VGLL4: variants seen among roughly 807,000 people sequenced by gnomAD.
VGLL4 encodes the protein vestigial like family member 4.
A neutral mutation model predicts 21.0 loss-of-function variants in VGLL4; 7 were observed. The observed-to-expected ratio is 0.33, with a 90% CI of 0.19 to 0.63. The LOEUF is 0.63. Among genes scored for constraint, VGLL4 ranks in the 20% least tolerant of loss-of-function variants. The pLI is 0.78. For missense variants in VGLL4, 394 were observed against 425.7 expected, an observed-to-expected ratio of 0.93 and a Z score of 0.66; for synonymous variants, 222 against 173.2, an observed-to-expected ratio of 1.28 and a Z score of -2.21.
chr3:11,660,756 C>T (rs1288230991), intron 2 of VGLL4, among the ~76,000 whole-genome samples: 1 of 152,066 alleles, frequency 6.6e-6, no homozygotes, highest in Non-Finnish European at 1.5e-5. Flanking sequence ...ATAAACTCAA[C>T]ATATATACTT....
chr3:11,631,165 A>G (rs2075468011), intron 1 of VGLL4, among the ~76,000 whole-genome samples: 1 of 152,232 alleles, frequency 6.6e-6, no homozygotes, highest in Non-Finnish European at 1.5e-5. Context: ...AACCTAATAT[A>G]TAACTGCAGA....
rs574148653 is a variant in VGLL4, at chr3:11,701,370, T to C, written c.64+1601A>G. Among the ~76,000 whole-genome samples, 17 of 152,328 alleles carry C rather than the reference T, an allele frequency of 1.1e-4. No homozygotes were observed. The East Asian group carries it at 2.5e-3, about 22-fold the overall frequency. ...TCTCCAGAAGCCAAGCAGACACTCA[T>C]GCCATGCTTGTACAGCCTACAGCAC... On this transcript the variant is annotated intron_variant, in intron 2 of 5. Coordinates refer to the VGLL4 transcript ENST00000273038.
At chr3:11,611,014 T>C (rs2075050722) in intron 1 of VGLL4, among the ~76,000 whole-genome samples, 1 of 152,034 alleles carries the variant, frequency 6.6e-6, no homozygotes, top group Non-Finnish European at 1.5e-5. Flanking sequence ...GCACTGGAAG[T>C]AGAAACCTGG....
At chr3:11,605,904 A>T (rs1340936027) in intron 1 of VGLL4, among the ~76,000 whole-genome samples, 2 of 152,280 alleles carry the variant, frequency 1.3e-5, no homozygotes, top group East Asian at 3.8e-4. Flanking sequence ...AACAAAAAAT[A>T]GAAAAGGATC....
chr3:11,710,828 C>T (rs1220747434), intron 1 of VGLL4, among the ~76,000 whole-genome samples: 1 of 151,508 alleles, frequency 6.6e-6, no homozygotes, highest in Non-Finnish European at 1.5e-5. Context: ...GGCTGGGCAC[C>T]GTGGCTCATG....
intron 2 of VGLL4, among the ~76,000 whole-genome samples, chr3:11,677,494 C>G (rs1193614890): frequency 6.6e-6 from 1 of 152,088 alleles, no homozygotes; most frequent in Non-Finnish European, 1.5e-5. Context: ...ATGGTGGTCT[C>G]AAACTCCTGG....
At chr3:11,607,938 C>T (rs1265567877) in intron 1 of VGLL4, among the ~76,000 whole-genome samples, 2 of 152,172 alleles carry the variant, frequency 1.3e-5, no homozygotes, top group African/African-American at 4.8e-5. Context: ...GTGCCTGTGA[C>T]ACACTGAAGG....
chr3:11,621,458 T>G (rs925701325), intron 1 of VGLL4, among the ~76,000 whole-genome samples: 1 of 148,950 alleles, frequency 6.7e-6, no homozygotes, highest in Non-Finnish European at 1.5e-5. Context: ...GTTCTTTCAC[T>G]CATAATGTTT....
intron 1 of VGLL4, among the ~76,000 whole-genome samples, chr3:11,630,452 C>T (rs998754934): frequency 6.6e-6 from 1 of 152,112 alleles, no homozygotes; most frequent in African/African-American, 2.4e-5. Flanking sequence ...CGAAACCAGC[C>T]TGTCCAACAT....
At chr3:11,582,456 T>G (rs1327824930) in intron 2 of VGLL4, 6 of 1,304,958 alleles carry the variant, frequency 4.6e-6, no homozygotes, top group Non-Finnish European at 6.3e-6. Context: ...GGGGCCTGCT[T>G]GCCCCCTGCA....
In VGLL4 at chr3:11,661,738, C is replaced by T. The variant is rs543486252; in HGVS notation, c.64+41233G>A. On this transcript the variant is annotated intron_variant, in intron 2 of 5. Transcript: ENST00000273038. ...CTGCCCGCCTCGGCTTCCCAAAGTG[C>T]TGAGATTACAGGTGTGAGCCACTGC... Among the ~76,000 whole-genome samples the T allele has an allele frequency of 9.9e-5, 15 of 152,256 alleles. No individual in the cohort carries two copies. In the East Asian group the frequency reaches 1.9e-3, roughly 20 times the overall value.
At chr3:11,704,347 C>G (rs2076727003) in intron 1 of VGLL4, among the ~76,000 whole-genome samples, 1 of 132,810 alleles carries the variant, frequency 7.5e-6, no homozygotes, top group Non-Finnish European at 1.5e-5. Flanking sequence ...CGAGCCATTG[C>G]ACTCCAGCCT....
At chr3:11,675,613 G>A (rs1430847113) in intron 2 of VGLL4, among the ~76,000 whole-genome samples, 1 of 152,124 alleles carries the variant, frequency 6.6e-6, no homozygotes, top group Non-Finnish European at 1.5e-5. Flanking sequence ...GACCTTTACA[G>A]AAGCTCACCT....
chr3:11,568,792 CCG>C lies in VGLL4; in HGVS notation c.273-3775_273-3774del. The C allele has an allele frequency of 6.9e-7, 1 of 1,448,910 alleles. No homozygotes were observed. Among genetic ancestry groups the C allele is most frequent in the Non-Finnish European group, 9.1e-7 (1 of 1,104,716 alleles). 89.8% of individuals were successfully genotyped at this position (1,448,910 alleles called of 1,614,324 possible). A position where few individuals can be genotyped will look rare whatever the true frequency, so the allele number is the denominator to read the frequency against. ...CCTCCGCTCCTGGTCAGGACTGTGCCCGAGAGAGCCCACGGCATCCCCGCGAA... is the reference window on the plus strand; with the variant it reads ...CCTCCGCTCCTGGTCAGGACTGTGCCAGAGAGCCCACGGCATCCCCGCGAA... On this transcript the variant is annotated intron_variant, in intron 2 of 4. Transcript: ENST00000430365. This position sits in a 1 kb window ranked among gnomAD's most constrained non-coding sequence, Gnocchi z 5.9.
intron 2 of VGLL4, among the ~76,000 whole-genome samples, chr3:11,680,135 G>A (rs142529389): frequency 1.3e-5 from 2 of 152,366 alleles, no homozygotes; most frequent in East Asian, 3.9e-4. Flanking sequence ...ACAGGGGTTT[G>A]TAGCCCAGAT....
upstream of VGLL4, among the ~76,000 whole-genome samples, chr3:11,644,701 C>G (rs528633811): frequency 8.6e-5 from 13 of 151,908 alleles, no homozygotes; most frequent in East Asian, 2.5e-3. Context: ...CATAAATTAG[C>G]CTGGTGTGGT....
Position 11,558,465 on chromosome 3 carries a change from CA to C in VGLL4, c.*90del. 8.3e-6 allele frequency: 10 copies of C among 1,210,026 alleles called. No individual in the cohort carries two copies. The highest frequency in any genetic ancestry group is 2.4e-5 in the Admixed American group (1 of 41,494). 75.0% of individuals were successfully genotyped at this position (1,210,026 alleles called of 1,614,324 possible). Reference sequence around the variant, plus strand: ...ACCATCCCTTCCCTTCCCCCCACCCCACCCCCATGATTTTTTTTTTTTTAAG... The same window carrying C: ...ACCATCCCTTCCCTTCCCCCCACCCCCCCCCATGATTTTTTTTTTTTTAAG... On this transcript the variant is annotated 3_prime_UTR_variant, in exon 5 of 5. Transcript: ENST00000430365.
At chr3:11,717,646 C>T (rs942151407) in intron 1 of VGLL4, among the ~76,000 whole-genome samples, 2 of 151,950 alleles carry the variant, frequency 1.3e-5, no homozygotes, top group African/African-American at 4.8e-5. Context: ...CGGCCCAGAA[C>T]ATTTAAAAGT....
intron 1 of VGLL4, among the ~76,000 whole-genome samples, chr3:11,707,261 G>A (rs943316705): frequency 1.4e-5 from 2 of 144,484 alleles, no homozygotes; most frequent in Admixed American, 7.3e-5. Flanking sequence ...ATGGAGGGTT[G>A]AGGCTGCAGT....
Sources: allele counts gnomAD v4.1 joint callset (sites outside exome capture counted in the v4.1 genomes callset), GRCh38; gene constraint gnomAD v4.1.1; non-coding constraint Gnocchi (gnomAD v3.1); transcripts MANE v1.5; gene names NCBI Gene and HGNC (gene_info 2026-07-23, HGNC 2026-07-21).